The following R3HDM1 variants were observed in gnomAD, a reference collection of about 807,000 sequenced individuals.
The protein encoded by R3HDM1 is R3H domain containing 1.
Under a neutral mutation model 141.1 loss-of-function variants are expected in R3HDM1, and 46 were observed. The observed-to-expected ratio is 0.33, with a 90% CI of 0.26 to 0.42. The LOEUF (loss-of-function observed/expected upper bound fraction) is 0.42, where lower values mean the gene tolerates loss of function less well. Among genes scored for constraint, R3HDM1 ranks in the 10% least tolerant of loss-of-function variants. The pLI, the probability that R3HDM1 is intolerant of heterozygous loss-of-function variation, is 1.00. For synonymous variants in R3HDM1, 435 were observed against 472.9 expected (o/e 0.92, Z 1.04); for missense variants, 1,184 against 1,368.3 (o/e 0.87, Z 2.12).
chr2:135,671,851 C>T (rs2068407827), intron 19 of R3HDM1, among the ~76,000 whole-genome samples: 1 of 152,030 alleles, frequency 6.6e-6, no homozygotes, highest in Non-Finnish European at 1.5e-5. Flanking sequence ...TGGCACACGC[C>T]TGTAATTCCA....
intron 1 of R3HDM1, among the ~76,000 whole-genome samples, chr2:135,548,884 C>A (rs1699275865): frequency 6.6e-6 from 1 of 152,144 alleles, no homozygotes. Flanking sequence ...TACCTGCTAA[C>A]ATGCAGTGCA....
chr2:135,592,843 A>G lies in R3HDM1; in HGVS notation c.-249-9657A>G, dbSNP rs577974836. On this transcript the variant is annotated intron_variant, in intron 1 of 26. Transcript: ENST00000683871. Reference sequence around the variant, plus strand: ...CTATCGTAGTGTACTGCACCCTCAAACTCCTGAGCCCAAGGGATCCTTTCT... The same window carrying G: ...CTATCGTAGTGTACTGCACCCTCAAGCTCCTGAGCCCAAGGGATCCTTTCT... Among the ~76,000 whole-genome samples, 7 of 151,442 alleles carry G rather than the reference A, an allele frequency of 4.6e-5. No homozygotes were observed. The East Asian group carries it at 1.4e-3, about 29-fold the overall frequency.
At chr2:135,567,961 A>T (rs1703182674) in intron 1 of R3HDM1, among the ~76,000 whole-genome samples, 1 of 133,132 alleles carries the variant, frequency 7.5e-6, no homozygotes, top group Non-Finnish European at 1.5e-5. Context: ...TCTTTTGACC[A>T]GCCTGGTCTC....
chr2:135,706,362 G>GT (rs1553634225), intron 21 of R3HDM1, among the ~76,000 whole-genome samples: 40 of 134,846 alleles, frequency 3.0e-4, no homozygotes, highest in Non-Finnish European at 3.9e-4. Flanking sequence ...CATATCCATA[G>GT]TTTTGTTTTT....
chr2:135,706,114 G>C (rs1400834238), intron 21 of R3HDM1, among the ~76,000 whole-genome samples: 1 of 150,876 alleles, frequency 6.6e-6, no homozygotes, highest in East Asian at 1.9e-4. Context: ...GGGTGACAAA[G>C]GGAGACTCCA....
intron 1 of R3HDM1, among the ~76,000 whole-genome samples, chr2:135,594,567 C>T (rs1263846592): frequency 6.6e-6 from 1 of 152,162 alleles, no homozygotes; most frequent in Non-Finnish European, 1.5e-5. Context: ...TCACCATTCT[C>T]CACAAGCCCT....
At position 135,616,721 on chromosome 2, in the gene R3HDM1, A is replaced by G. The variant is rs748406313; in HGVS notation, c.267A>G (p.Pro89=). 11 of 1,609,366 alleles carry G rather than the reference A, an allele frequency of 6.8e-6. No individual in the cohort carries two copies. The highest frequency in any genetic ancestry group is 9.3e-6 in the Non-Finnish European group (11 of 1,177,174). ...GCCTTGCAGTGTGTGAAGAATCTCCACCACCCCCTGCACCAGAGATATCAC... is the reference window on the plus strand; with the variant it reads ...GCCTTGCAGTGTGTGAAGAATCTCCGCCACCCCCTGCACCAGAGATATCAC... The part of the protein sequence containing the change: ...VRSLAVCEES[P]PPPAPEISQE... Residue 89 remains proline (P), a synonymous_variant, in exon 5 of 27, where the codon CCA becomes CCG. Coordinates refer to ENST00000683871, the MANE Select transcript of R3HDM1 (RefSeq NM_001378107.1).
intron 1 of R3HDM1, among the ~76,000 whole-genome samples, chr2:135,567,026 A>G (rs997515099): frequency 6.6e-6 from 1 of 151,410 alleles, no homozygotes; most frequent in African/African-American, 2.4e-5. Flanking sequence ...CCTTGCTGTT[A>G]TTGGCACTAC....
At chr2:135,627,006 A>G (rs771370929) in intron 7 of R3HDM1, among the ~76,000 whole-genome samples, 2 of 152,096 alleles carry the variant, frequency 1.3e-5, no homozygotes, top group South Asian at 2.1e-4. Context: ...CCTTCTGTGT[A>G]TGCATTTTTA....
chr2:135,637,272 C>G (rs2063349581), intron 11 of R3HDM1, among the ~76,000 whole-genome samples: 1 of 152,090 alleles, frequency 6.6e-6, no homozygotes. Flanking sequence ...AAGAAGTAAC[C>G]TTACAGGAGT....
intron 1 of R3HDM1, among the ~76,000 whole-genome samples, chr2:135,545,386 T>C (rs1698475803): frequency 6.6e-6 from 1 of 152,122 alleles, no homozygotes; most frequent in South Asian, 2.1e-4. Flanking sequence ...AGGTTGAGGT[T>C]AGAACATGAT....
Position 135,651,746 on chromosome 2 carries a change from C to G in R3HDM1, c.1742C>G (p.Ser581Cys), listed in dbSNP as rs772759590. Residue 581 changes from serine to cysteine, a missense_variant, in exon 18 of 27, where the codon TCT becomes TGT. Transcript: ENST00000683871. ...CTTTTTTAGCAGGATAACCTAGGGT[C>G]TCAGTTTAGCCACATGAGTCTTGCT... ...QQYSVQDNLG[S>C]QFSHMSLARQ... 1 of 1,609,848 alleles carries G rather than the reference C, an allele frequency of 6.2e-7. No individual in the cohort carries two copies. The highest frequency in any genetic ancestry group is 8.5e-7 in the Non-Finnish European group (1 of 1,176,862).
rs1365487847 is a variant in R3HDM1, at chr2:135,675,392, C to T, written c.2213C>T (p.Pro738Leu). ...NYQGIVGVQQ[P>L]QSQSLVSGQP... ...CAAGGAATAGTTGGAGTTCAGCAAC[C>T]CCAGAGTCAGAGCCTAGTCAGTGGC... Residue 738 changes from proline to leucine, a missense_variant, in exon 20 of 27, where the codon CCC (proline) becomes CTC (leucine). Physicochemically the swap from Pro to Leu is moderately conservative, Grantham distance 98. This residue lies in a region of R3HDM1 where 563 missense variants were observed against 562.0 expected (regional missense o/e 1.00). Coordinates refer to ENST00000683871, the MANE Select transcript of R3HDM1 (RefSeq NM_001378107.1). 1 of 1,613,826 alleles carries T rather than the reference C, an allele frequency of 6.2e-7. No homozygotes were observed. The highest frequency in any genetic ancestry group is 1.7e-5 in the Admixed American group (1 of 60,002).
chr2:135,631,884 C>A lies in R3HDM1; in HGVS notation c.581C>A (p.Pro194Gln). The A allele has an allele frequency of 6.2e-7, 1 of 1,610,482 alleles. No individual in the cohort carries two copies. The highest frequency in any genetic ancestry group is 8.5e-7 in the Non-Finnish European group (1 of 1,178,232). ...NNESPRKKFP[P>Q]MTSYHRMLLH... The stretch of plus-strand genomic sequence containing the variant: ...AGGTCTCCACGTAAAAAATTCCCCC[C>A]AATGACATCTTACCATAGGATGCTA... Residue 194 changes from proline (P) to glutamine (Q), a missense_variant, in exon 9 of 27, where the codon CCA becomes CAA. By Grantham distance (76) the Pro-to-Gln change is moderately conservative (BLOSUM62 -1). This residue lies in a region of R3HDM1 where 7 missense variants were observed against 25.8 expected (regional missense o/e 0.27). Transcript: ENST00000683871.
At chr2:135,533,197 A>G (rs1288295538) in intron 1 of R3HDM1, among the ~76,000 whole-genome samples, 2 of 152,160 alleles carry the variant, frequency 1.3e-5, no homozygotes, top group Admixed American at 6.5e-5. Flanking sequence ...AGTCCCTGCT[A>G]CTCAGGAGTG....
At chr2:135,531,925 C>A (rs1174715053) in intron 1 of R3HDM1, among the ~76,000 whole-genome samples, 1 of 152,250 alleles carries the variant, frequency 6.6e-6, no homozygotes, top group Non-Finnish European at 1.5e-5. Flanking sequence ...CCACCGCCCC[C>A]ACCCGGGGGC....
chr2:135,591,532 A>T (rs560096399), intron 1 of R3HDM1, among the ~76,000 whole-genome samples: 1 of 152,348 alleles, frequency 6.6e-6, no homozygotes, highest in African/African-American at 2.4e-5. Flanking sequence ...AACCAAGATT[A>T]TGCTCATAAT....
intron 1 of R3HDM1, among the ~76,000 whole-genome samples, chr2:135,555,154 G>A (rs985313375): frequency 2.0e-5 from 3 of 151,956 alleles, no homozygotes; most frequent in Admixed American, 6.6e-5. Context: ...ACAAAAATTA[G>A]CCAGGCATGG....
At chr2:135,684,289 C>T (rs940865038) in intron 21 of R3HDM1, among the ~76,000 whole-genome samples, 2 of 152,222 alleles carry the variant, frequency 1.3e-5, no homozygotes, top group South Asian at 4.2e-4. Flanking sequence ...TGAGGTTTCA[C>T]CATGTTAGCC....
Sources: gnomAD v4.1 joint callset for allele counts (sites outside exome capture counted in the v4.1 genomes callset) on GRCh38, gnomAD v4.1.1 for gene constraint, gnomAD v4.1.1 regional missense constraint, MANE v1.5 for transcripts, NCBI Gene and HGNC (gene_info 2026-07-23, HGNC 2026-07-21) for gene names.